The following PDZD2 variants were observed in gnomAD, a reference collection of about 807,000 sequenced individuals.
PDZD2 encodes PDZ domain-containing protein 2.
A neutral mutation model predicts 220.7 loss-of-function variants in PDZD2; 90 were observed. The ratio of observed to expected loss-of-function variants is 0.41; its 90% confidence interval spans 0.34 to 0.49. The LOEUF (loss-of-function observed/expected upper bound fraction) is 0.49. Among genes scored for constraint, PDZD2 ranks in the 20% least tolerant of loss-of-function variants. The pLI is 0.28. For missense variants in PDZD2, 3,174 were observed against 3,608.5 expected (o/e 0.88, Z 3.08); for synonymous variants, 1,375 against 1,450.5 (o/e 0.95, Z 1.18).
At chr5:31,962,661 C>T (rs1581168125) in intron 2 of PDZD2, among the ~76,000 whole-genome samples, 1 of 152,136 alleles carries the variant, frequency 6.6e-6, no homozygotes, top group East Asian at 1.9e-4. Flanking sequence ...CCAATCTGCA[C>T]GGAGAAGGAG....
chr5:32,028,363 C>G (rs532812079), intron 6 of PDZD2, among the ~76,000 whole-genome samples: 14 of 152,290 alleles, frequency 9.2e-5, no homozygotes, highest in Admixed American at 2.6e-4. Flanking sequence ...GTTTGCCCCC[C>G]ACCCCTAGAA....
chr5:31,761,355 GAAAT>G (rs1489798820), intron 1 of PDZD2, among the ~76,000 whole-genome samples: 3 of 151,998 alleles, frequency 2.0e-5, no homozygotes, highest in Non-Finnish European at 4.4e-5. Context: ...CGGGAGTAGA[GAAAT>G]AAAAAGATAA....
intron 1 of PDZD2, among the ~76,000 whole-genome samples, chr5:31,775,057 G>A (rs536563767): frequency 6.6e-6 from 1 of 152,146 alleles, no homozygotes; most frequent in Non-Finnish European, 1.5e-5. Flanking sequence ...GGGAAACATC[G>A]AGAGCCAACT....
At position 32,109,359 on chromosome 5, in the gene PDZD2, G is replaced by A. The variant is rs1745140633; in HGVS notation, c.*1224G>A. 1 of 152,154 alleles carries A rather than the reference G, an allele frequency of 6.6e-6. No individual in the cohort carries two copies. Among genetic ancestry groups the A allele is most frequent in the African/African-American group, 2.4e-5 (1 of 41,434 alleles). 9.4% of individuals were successfully genotyped at this position (152,154 alleles called of 1,614,324 possible). ...GCAATTTCCTCCTTTTGCCAAAAAT[G>A]TTTTCCTACAGAAGACTGTCGTGAC... On this transcript the variant is annotated 3_prime_UTR_variant, in exon 25 of 25. Transcript: ENST00000438447.
At chr5:31,846,706 C>A (rs955866284) in intron 2 of PDZD2, among the ~76,000 whole-genome samples, 2 of 152,164 alleles carry the variant, frequency 1.3e-5, no homozygotes, top group Non-Finnish European at 1.5e-5. Flanking sequence ...GTGTCAGAAT[C>A]CTGAGGTTTC....
chr5:32,019,613 T>G (rs73072251), intron 6 of PDZD2, among the ~76,000 whole-genome samples: 1,611 of 152,316 alleles, frequency 0.011, 26 homozygotes, highest in African/African-American at 0.037. Context: ...ATGTCTACGT[T>G]AGGCGTGCTT....
intron 2 of PDZD2, among the ~76,000 whole-genome samples, chr5:31,896,542 C>T (rs1741587848): frequency 6.6e-6 from 1 of 152,084 alleles, no homozygotes; most frequent in African/African-American, 2.4e-5. Context: ...AAGCCCTGTG[C>T]TAAGGGCTGG....
intron 2 of PDZD2, among the ~76,000 whole-genome samples, chr5:31,811,560 TATA>T (rs1207537303): frequency 6.6e-6 from 1 of 152,224 alleles, no homozygotes; most frequent in Non-Finnish European, 1.5e-5. Flanking sequence ...TAGGCTGGAC[TATA>T]AGGTTGATCA....
At chr5:31,954,094 C>T (rs1747435395) in intron 2 of PDZD2, among the ~76,000 whole-genome samples, 1 of 151,518 alleles carries the variant, frequency 6.6e-6, no homozygotes. Context: ...CCAGCCTGGG[C>T]AACAGAGTGA....
chr5:31,771,966 T>C (rs1047034327), intron 1 of PDZD2, among the ~76,000 whole-genome samples: 4 of 152,186 alleles, frequency 2.6e-5, no homozygotes, highest in Non-Finnish European at 5.9e-5. Flanking sequence ...ATTTTTGATA[T>C]GGAATCACAA....
At chr5:31,731,546 A>T (rs1749538689) in intron 1 of PDZD2, among the ~76,000 whole-genome samples, 1 of 152,106 alleles carries the variant, frequency 6.6e-6, no homozygotes, top group African/African-American at 2.4e-5. Flanking sequence ...ACTCTTCGGG[A>T]TGGTTTATAT....
intron 1 of PDZD2, among the ~76,000 whole-genome samples, chr5:31,672,875 T>A (rs1206966824): frequency 2.6e-5 from 4 of 152,220 alleles, no homozygotes. Flanking sequence ...TCCCTTTACA[T>A]AACACTGAAC....
At chr5:31,967,955 G>C (rs1373664479) in intron 2 of PDZD2, among the ~76,000 whole-genome samples, 1 of 152,198 alleles carries the variant, frequency 6.6e-6, no homozygotes, top group African/African-American at 2.4e-5. Context: ...AAATGCAGTT[G>C]ATATGATTGC....
chr5:31,752,952 C>T (rs1751095423), intron 1 of PDZD2, among the ~76,000 whole-genome samples: 1 of 152,144 alleles, frequency 6.6e-6, no homozygotes, highest in Non-Finnish European at 1.5e-5. Flanking sequence ...CCTTAGTTAT[C>T]CTTGAACCCC....
intron 1 of PDZD2, among the ~76,000 whole-genome samples, chr5:31,716,108 C>T (rs1748429423): frequency 6.6e-6 from 1 of 152,220 alleles, no homozygotes; most frequent in Non-Finnish European, 1.5e-5. Flanking sequence ...AACTAGCTTT[C>T]TCTCTCACTT....
In PDZD2 at chr5:31,840,429, TATATATATATATA is replaced by T. The variant is rs1561499180; in HGVS notation, c.476+40706_476+40718del. On this transcript the variant is annotated intron_variant, in intron 2 of 24. Transcript: ENST00000438447. ...ATATATATATATATATATATATATA[TATATATATATATA>T]TATATATTTGTTTATAGTCCAGAGG... 157 of 104,132 alleles carry T rather than the reference TATATATATATATA, an allele frequency of 1.5e-3. 3 individuals are homozygous for T. The highest frequency in any genetic ancestry group is 2.3e-3 in the Non-Finnish European group (126 of 54,644). 6.5% of individuals were successfully genotyped at this position (104,132 alleles called of 1,614,324 possible).
chr5:31,865,645 TTTTTTTG>T (rs79461796), intron 2 of PDZD2, among the ~76,000 whole-genome samples: 5 of 126,288 alleles, frequency 4.0e-5, no homozygotes, highest in East Asian at 3.1e-4. Flanking sequence ...TTTTTTTTTT[TTTTTTTG>T]AGATGGAGTC....
chr5:31,863,177 G>A (rs1342575513), intron 2 of PDZD2, among the ~76,000 whole-genome samples: 1 of 152,162 alleles, frequency 6.6e-6, no homozygotes, highest in Non-Finnish European at 1.5e-5. Context: ...GAGCCACTGC[G>A]CCCGGCCATG....
chr5:31,651,087 T>C (rs1745331858), intron 1 of PDZD2, among the ~76,000 whole-genome samples: 2 of 151,920 alleles, frequency 1.3e-5, no homozygotes, highest in Non-Finnish European at 2.9e-5. Flanking sequence ...GACCTCCTTT[T>C]AAAAATAACT....
Sources: gnomAD v4.1 joint callset for allele counts (sites outside exome capture counted in the v4.1 genomes callset) on GRCh38, gnomAD v4.1.1 for gene constraint, MANE v1.5 for transcripts, NCBI Gene and HGNC (gene_info 2026-07-23, HGNC 2026-07-21) for gene names.